GNA12: variants seen among roughly 807,000 people sequenced by gnomAD.
The protein encoded by GNA12 is guanine nucleotide-binding protein subunit alpha-12.
GNA12 carries 9 observed loss-of-function variants against 26.0 expected under a neutral mutation model. The observed-to-expected ratio is 0.35, with a 90% CI of 0.21 to 0.60. The LOEUF (loss-of-function observed/expected upper bound fraction) is 0.60, where lower values mean the gene tolerates loss of function less well. GNA12 is among the 20% of genes least tolerant of loss of function. The pLI, the probability that GNA12 is intolerant of heterozygous loss-of-function variation, is 0.78. For missense variants in GNA12, 405 were observed against 525.8 expected, an observed-to-expected ratio of 0.77 and a Z score of 2.25; for synonymous variants, 264 against 219.6, an observed-to-expected ratio of 1.20 and a Z score of -1.79.
chr7:2,734,431 G>A (rs1441477797), intron 2 of GNA12, among the ~76,000 whole-genome samples: 1 of 152,262 alleles, frequency 6.6e-6, no homozygotes, highest in African/African-American at 2.4e-5. Context: ...TGTGGGAAGA[G>A]CAGTCACTTT....
intron 2 of GNA12, among the ~76,000 whole-genome samples, chr7:2,741,284 G>A (rs1019916007): frequency 2.0e-5 from 3 of 152,114 alleles, no homozygotes; most frequent in Non-Finnish European, 4.4e-5. Context: ...GAGCCCAGGA[G>A]GTTGAGGATG....
chr7:2,758,391 A>G (rs1403112696), intron 2 of GNA12, among the ~76,000 whole-genome samples: 1 of 152,184 alleles, frequency 6.6e-6, no homozygotes, highest in Non-Finnish European at 1.5e-5. Flanking sequence ...CACATGAAAG[A>G]GGGTGTAAAG....
intron 2 of GNA12, among the ~76,000 whole-genome samples, chr7:2,783,701 T>TATTTTG (rs1554259964): frequency 7.0e-6 from 1 of 141,906 alleles, no homozygotes; most frequent in African/African-American, 2.5e-5. Context: ...TTTATTTATT[T>TATTTTG]TGAGATGTAG....
chr7:2,835,950 G>A, intron 1 of GNA12: 1 of 505,492 alleles, frequency 2.0e-6, no homozygotes, highest in South Asian at 1.8e-5. Flanking sequence ...CAATTCAGTG[G>A]GTGTGAGCAG....
At chr7:2,832,020 T>C (rs1271056503) in intron 1 of GNA12, among the ~76,000 whole-genome samples, 1 of 152,008 alleles carries the variant, frequency 6.6e-6, no homozygotes, top group Non-Finnish European at 1.5e-5. Context: ...TCCCGTGGAG[T>C]TGTCAGTGAC....
At chr7:2,830,496 A>AG (rs1456055254) in intron 1 of GNA12, among the ~76,000 whole-genome samples, 1 of 152,146 alleles carries the variant, frequency 6.6e-6, no homozygotes, top group Non-Finnish European at 1.5e-5. Flanking sequence ...CCCTGTGGGG[A>AG]GGGCGGCTCC....
Position 2,773,022 on chromosome 7 carries a change from TA to T in GNA12, c.525+21905del, listed in dbSNP as rs139619683. Among the ~76,000 whole-genome samples the T allele has an allele frequency of 1.2e-3, 186 of 152,358 alleles. 3 individuals carry two copies. The highest frequency in any genetic ancestry group is 0.012 in the East Asian group (61 of 5,192). On this transcript the variant is annotated intron_variant, in intron 2 of 3. Transcript: ENST00000275364. ...TCAGTCATTAAGCAAAGAAGCCAGCTAAACGATTCCATTTAAACAAACTTCA... is the reference window on the plus strand; with the variant it reads ...TCAGTCATTAAGCAAAGAAGCCAGCTAACGATTCCATTTAAACAAACTTCA...
In GNA12 at chr7:2,796,666, T is replaced by C. The variant is rs3778897; in HGVS notation, c.310-1523A>G. Among the ~76,000 whole-genome samples the C allele has an allele frequency of 4.3e-3, 650 of 152,312 alleles. 18 individuals are homozygous for C. In the East Asian group the frequency reaches 0.079, roughly 18 times the overall value. On this transcript the variant is annotated intron_variant, in intron 1 of 3. Coordinates refer to ENST00000275364, the MANE Select transcript of GNA12 (RefSeq NM_007353.3). The stretch of plus-strand genomic sequence containing the variant: ...TCATGTTCTAGATTTAACGTCACCA[T>C]CGTTTGTGATGAGAAACTACTTTTC...
At chr7:2,804,236 G>A (rs1792886656) in intron 1 of GNA12, among the ~76,000 whole-genome samples, 1 of 152,200 alleles carries the variant, frequency 6.6e-6, no homozygotes, top group African/African-American at 2.4e-5. Flanking sequence ...GATCTGCATT[G>A]TGAAATCATT....
chr7:2,829,534 CT>C (rs1793555779), intron 1 of GNA12, among the ~76,000 whole-genome samples: 1 of 152,138 alleles, frequency 6.6e-6, no homozygotes. Flanking sequence ...TCTATTACTT[CT>C]GCCATTTCCC....
At chr7:2,736,006 G>T (rs1462398561) in intron 2 of GNA12, among the ~76,000 whole-genome samples, 1 of 152,174 alleles carries the variant, frequency 6.6e-6, no homozygotes, top group East Asian at 1.9e-4. Context: ...AACAGAGACT[G>T]GACAATGCAC....
intron 2 of GNA12, among the ~76,000 whole-genome samples, chr7:2,740,328 G>A (rs991287500): frequency 1.2e-4 from 18 of 152,212 alleles, no homozygotes; most frequent in Middle Eastern, 3.4e-3. Flanking sequence ...GTGACTGAAG[G>A]TAGGGACCTC....
chr7:2,797,332 C>T lies in GNA12; in HGVS notation c.310-2189G>A, dbSNP rs1375517067. ...GCTAATTTTAAGATTTTCGTAGAGT[C>T]AGGGTCTCACTATATTGCCCAGGCT... On this transcript the variant is annotated intron_variant, in intron 1 of 3. Transcript: ENST00000275364. Among the ~76,000 whole-genome samples the T allele has an allele frequency of 2.0e-5, 3 of 152,106 alleles. No homozygotes were observed. In the East Asian group the frequency reaches 5.8e-4, roughly 29 times the overall value.
At chr7:2,781,056 A>G (rs1308897307) in intron 2 of GNA12, among the ~76,000 whole-genome samples, 1 of 152,216 alleles carries the variant, frequency 6.6e-6, no homozygotes, top group African/African-American at 2.4e-5. Flanking sequence ...CTGTGAGTAT[A>G]TCATAATATC....
At chr7:2,832,380 C>T (rs542850939) in intron 1 of GNA12, among the ~76,000 whole-genome samples, 14 of 152,222 alleles carry the variant, frequency 9.2e-5, no homozygotes, top group Non-Finnish European at 1.8e-4. Flanking sequence ...CAGGTCCTCC[C>T]GTGGACCCCG....
At chr7:2,826,676 A>G (rs1019811168) in intron 1 of GNA12, among the ~76,000 whole-genome samples, 1 of 152,236 alleles carries the variant, frequency 6.6e-6, no homozygotes, top group Non-Finnish European at 1.5e-5. Flanking sequence ...TAAGTGAAAG[A>G]AGCCCATGTG....
chr7:2,787,348 C>T (rs938843872), intron 2 of GNA12, among the ~76,000 whole-genome samples: 4 of 152,158 alleles, frequency 2.6e-5, no homozygotes, highest in Admixed American at 6.5e-5. Context: ...AACCACAGCA[C>T]GCCTCTGACC....
At chr7:2,755,759 G>C (rs1389371004) in intron 2 of GNA12, among the ~76,000 whole-genome samples, 3 of 152,146 alleles carry the variant, frequency 2.0e-5, no homozygotes, top group African/African-American at 2.4e-5. Flanking sequence ...GCTAAAACAG[G>C]AAATTTTTTT....
intron 1 of GNA12, among the ~76,000 whole-genome samples, chr7:2,813,347 G>A (rs1793131514): frequency 6.6e-6 from 1 of 152,206 alleles, no homozygotes; most frequent in African/African-American, 2.4e-5. Context: ...AAAAATAGAT[G>A]ACTCCATGCC....
Sources: allele counts gnomAD v4.1 joint callset (sites outside exome capture counted in the v4.1 genomes callset), GRCh38; gene constraint gnomAD v4.1.1; transcripts MANE v1.5; gene names NCBI Gene and HGNC (gene_info 2026-07-23, HGNC 2026-07-21).